The following MAST4 variants were observed in gnomAD, a reference collection of about 807,000 sequenced individuals.
MAST4 encodes microtubule associated serine/threonine kinase family member 4, also known as microtubule-associated serine/threonine-protein kinase 4.
A neutral mutation model predicts 162.7 loss-of-function variants in MAST4; 89 were observed. The ratio of observed to expected loss-of-function variants is 0.55; its 90% CI spans 0.46 to 0.65. The LOEUF is 0.65. Ranked by LOEUF, MAST4 falls within the 30% of genes least tolerant of loss-of-function variation. The pLI is 0.00. For synonymous variants in MAST4, 1,479 were observed against 1,361.1 expected, an observed-to-expected ratio of 1.09 and a Z score of -1.91; for missense variants, 3,153 against 3,374.0, an observed-to-expected ratio of 0.93 and a Z score of 1.62.
chr5:66,679,369 G>A (rs1280464928), intron 1 of MAST4, among the ~76,000 whole-genome samples: 2 of 152,178 alleles, frequency 1.3e-5, no homozygotes, highest in African/African-American at 4.8e-5. Flanking sequence ...CTCAGTTTCT[G>A]GTAGAAATCA....
At chr5:66,811,415 C>CATCTAAACACGTT (rs2149714528) in intron 3 of MAST4, among the ~76,000 whole-genome samples, 1 of 152,304 alleles carries the variant, frequency 6.6e-6, no homozygotes, top group South Asian at 2.1e-4. Flanking sequence ...AGGACAGACT[C>CATCTAAACACGTT]ATCTAAACAC....
intron 3 of MAST4, among the ~76,000 whole-genome samples, chr5:66,822,815 G>T (rs921630535): frequency 1.3e-5 from 2 of 152,164 alleles, no homozygotes; most frequent in Non-Finnish European, 1.5e-5. Context: ...CACTTTGAAA[G>T]CACTGTTTCC....
chr5:66,667,718 A>G (rs904646659), intron 1 of MAST4, among the ~76,000 whole-genome samples: 37 of 152,188 alleles, frequency 2.4e-4, no homozygotes, highest in African/African-American at 8.2e-4. Context: ...TAGGAACACT[A>G]CCTATTTGCT....
At chr5:66,782,434 A>C (rs1754920685) in intron 2 of MAST4, among the ~76,000 whole-genome samples, 1 of 152,194 alleles carries the variant, frequency 6.6e-6, no homozygotes, top group South Asian at 2.1e-4. Flanking sequence ...TTCCACTCTA[A>C]CTCTGTTAAC....
chr5:67,139,670 T>TA (rs1231543537), intron 19 of MAST4, among the ~76,000 whole-genome samples: 1 of 152,248 alleles, frequency 6.6e-6, no homozygotes, highest in Non-Finnish European at 1.5e-5. Context: ...GCTCAAGGTA[T>TA]AATGTTTCTT....
intron 4 of MAST4, among the ~76,000 whole-genome samples, chr5:66,927,808 T>C (rs1765016771): frequency 6.6e-6 from 1 of 152,218 alleles, no homozygotes; most frequent in South Asian, 2.1e-4. Flanking sequence ...TTATCTCACA[T>C]TCCAGAAGCT....
At chr5:67,116,405 C>T (rs903119115) in intron 12 of MAST4, among the ~76,000 whole-genome samples, 4 of 150,664 alleles carry the variant, frequency 2.7e-5, no homozygotes, top group Non-Finnish European at 5.9e-5. Context: ...AAGGTTTCAC[C>T]ATGTTGGCCA....
intron 1 of MAST4, among the ~76,000 whole-genome samples, chr5:66,663,620 A>G (rs1019698274): frequency 2.6e-5 from 4 of 152,150 alleles, no homozygotes; most frequent in Non-Finnish European, 5.9e-5. Flanking sequence ...TGAAAGGAGC[A>G]TGTCTGACTT....
rs908923474 is a variant in MAST4, at chr5:66,718,253, G to GTTTGTTTT, written c.364-41439_364-41432dup. On this transcript the variant is annotated intron_variant, in intron 1 of 28. Coordinates refer to ENST00000403625, the MANE Select transcript of MAST4 (RefSeq NM_001164664.2). ...GGGACTCTATTTGAAGGTTTTTTTT[G>GTTTGTTTT]TTTGTTTTTTTGTTTTTTTGTTTTC... Among the ~76,000 whole-genome samples, 67 of 142,236 alleles carry GTTTGTTTT rather than the reference G, an allele frequency of 4.7e-4. 1 individual carries two copies. The highest frequency in any genetic ancestry group is 1.8e-3 in the African/African-American group (66 of 35,864). The allele number at this position is 142,236 out of a possible 152,430, so 93.3% of individuals were successfully genotyped here. A position where few individuals can be genotyped will look rare whatever the true frequency, so the allele number is the denominator to read the frequency against.
At chr5:66,915,328 ATG>A (rs1561441326) in intron 4 of MAST4, among the ~76,000 whole-genome samples, 4 of 151,050 alleles carry the variant, frequency 2.6e-5, no homozygotes, top group Admixed American at 6.6e-5. Context: ...GTGAGATTTC[ATG>A]TTTTCTTCTG....
intron 1 of MAST4, among the ~76,000 whole-genome samples, chr5:66,666,548 A>G (rs1747269992): frequency 6.6e-6 from 1 of 152,246 alleles, no homozygotes; most frequent in African/African-American, 2.4e-5. Context: ...GACAGTTGTT[A>G]TCACATTAAC....
intron 4 of MAST4, among the ~76,000 whole-genome samples, chr5:67,007,512 C>A (rs1581179119): frequency 6.6e-6 from 1 of 152,116 alleles, no homozygotes; most frequent in Non-Finnish European, 1.5e-5. Flanking sequence ...ATATTTTATC[C>A]CATCTGTTTG....
chr5:66,715,133 C>T (rs535839291), intron 1 of MAST4, among the ~76,000 whole-genome samples: 3 of 152,280 alleles, frequency 2.0e-5, no homozygotes, highest in Admixed American at 6.5e-5. Context: ...CACAACTGGA[C>T]TAATGGGTTG....
At chr5:66,784,557 A>AC (rs1462526350) in intron 2 of MAST4, among the ~76,000 whole-genome samples, 1 of 151,536 alleles carries the variant, frequency 6.6e-6, no homozygotes, top group African/African-American at 2.4e-5. Context: ...CCCTGCACCC[A>AC]CCCCTCATTT....
At chr5:66,724,414 G>A (rs1310006666) in intron 1 of MAST4, among the ~76,000 whole-genome samples, 1 of 152,180 alleles carries the variant, frequency 6.6e-6, no homozygotes, top group Non-Finnish European at 1.5e-5. Context: ...CTTGTGATGA[G>A]TTACGGATTT....
chr5:66,932,642 A>G (rs1273173672), intron 4 of MAST4, among the ~76,000 whole-genome samples: 1 of 152,198 alleles, frequency 6.6e-6, no homozygotes. Context: ...AGAGATGATG[A>G]AAGTTTTCTC....
intron 3 of MAST4, among the ~76,000 whole-genome samples, chr5:66,884,066 C>G (rs1761885298): frequency 6.6e-6 from 1 of 152,156 alleles, no homozygotes; most frequent in Admixed American, 6.5e-5. Context: ...ACTTAGTCTC[C>G]ATTTTTCTTG....
At chr5:66,906,600 G>A (rs13180646) in intron 4 of MAST4, among the ~76,000 whole-genome samples, 4,984 of 152,206 alleles carry the variant, frequency 0.033, 153 homozygotes, top group African/African-American at 0.076. Context: ...CTGGATCTTG[G>A]AGATGTCTTT....
At chr5:67,116,212 T>TTTC (rs1766895207) in intron 12 of MAST4, among the ~76,000 whole-genome samples, 2 of 150,272 alleles carry the variant, frequency 1.3e-5, no homozygotes, top group Non-Finnish European at 3.0e-5. Context: ...TTGTTTGTTT[T>TTTC]GTTTTGTTTT....
Sources: allele counts gnomAD v4.1 joint callset (sites outside exome capture counted in the v4.1 genomes callset), GRCh38; gene constraint gnomAD v4.1.1; transcripts MANE v1.5; gene names NCBI Gene and HGNC (gene_info 2026-07-23, HGNC 2026-07-21).